Variants in MOB3B observed in about 807,000 individuals in gnomAD.
MOB3B encodes MOB kinase activator 3B, also known as MOB kinase activator-like 2B.
MOB3B carries 7 observed loss-of-function variants against 18.7 expected under a neutral mutation model. The ratio of observed to expected loss-of-function variants is 0.37; its 90% CI spans 0.21 to 0.70. The LOEUF (loss-of-function observed/expected upper bound fraction) is 0.70, where lower values mean the gene tolerates loss of function less well. MOB3B is among the 30% of genes least tolerant of loss of function. The pLI is 0.52. For synonymous variants in MOB3B, 111 were observed against 99.9 expected, an observed-to-expected ratio of 1.11 and a Z score of -0.66; for missense variants, 253 against 281.3, an observed-to-expected ratio of 0.90 and a Z score of 0.72.
intron 1 of MOB3B, among the ~76,000 whole-genome samples, chr9:27,466,580 T>C (rs906698118): frequency 1.3e-5 from 2 of 152,120 alleles, no homozygotes; most frequent in African/African-American, 4.8e-5. Context: ...GATAAAAACA[T>C]ACCCAAAACT....
rs190210674 is a variant in MOB3B at position 27,442,694 on chromosome 9, G to A, written c.418+12439C>T. On this transcript the variant is annotated intron_variant, in intron 2 of 3. Transcript: ENST00000262244. ...CTGACTTCCCTCATGCAAGCCTAAG[G>A]TGGCAGTGGCTTCCGGCTCTTGTTA... 3.3e-5 allele frequency among the ~76,000 whole-genome samples: 5 copies of A among 152,302 alleles called. No individual in the cohort carries two copies. In the East Asian group the frequency reaches 9.6e-4, roughly 29 times the overall value.
At chr9:27,470,299 T>C (rs1819452078) in intron 1 of MOB3B, among the ~76,000 whole-genome samples, 2 of 151,990 alleles carry the variant, frequency 1.3e-5, no homozygotes, top group Non-Finnish European at 2.9e-5. Flanking sequence ...TAAATAAAAA[T>C]TATTTATCTC....
In MOB3B at chr9:27,455,404, C is replaced by T. The variant is rs771295786; in HGVS notation, c.147G>A (p.Gln49=). 1 of 1,614,236 alleles carries T rather than the reference C, an allele frequency of 6.2e-7. No individual in the cohort carries two copies. The highest frequency in any genetic ancestry group is 8.5e-7 in the Non-Finnish European group (1 of 1,180,042). Reference sequence around the variant, plus strand: ...CATTCTGGTCCTCCCCACTGGGCAACTGCACAGCCGCCTTCAGGTCCACAC... The same window carrying T: ...CATTCTGGTCCTCCCCACTGGGCAATTGCACAGCCGCCTTCAGGTCCACAC... ...NSGVDLKAAV[Q]LPSGEDQNDW... The change falls in exon 2 of 4, where the codon CAG becomes CAA. Residue 49 remains glutamine (Q), a synonymous_variant. Transcript: ENST00000262244.
chr9:27,519,789 A>G (rs1022636342), intron 1 of MOB3B, among the ~76,000 whole-genome samples: 3 of 152,116 alleles, frequency 2.0e-5, no homozygotes, highest in Non-Finnish European at 4.4e-5. Context: ...GGTCATCATT[A>G]AGAGAAGAGC....
intron 2 of MOB3B, among the ~76,000 whole-genome samples, chr9:27,395,844 C>T (rs992791282): frequency 2.0e-5 from 3 of 152,180 alleles, no homozygotes; most frequent in Non-Finnish European, 4.4e-5. Context: ...GTGGCATCTA[C>T]ACAATGGAGA....
intron 1 of MOB3B, among the ~76,000 whole-genome samples, chr9:27,495,345 AATAG>A (rs1352784165): frequency 6.6e-6 from 1 of 151,996 alleles, no homozygotes; most frequent in Non-Finnish European, 1.5e-5. Context: ...TAAATAAATA[AATAG>A]ATAAATAAAT....
At chr9:27,513,101 T>C (rs1424928221) in intron 1 of MOB3B, among the ~76,000 whole-genome samples, 1 of 152,216 alleles carries the variant, frequency 6.6e-6, no homozygotes, top group African/African-American at 2.4e-5. Context: ...ATTTACTGAT[T>C]ACCAAAAAAC....
intron 2 of MOB3B, among the ~76,000 whole-genome samples, chr9:27,441,496 A>G (rs1822593689): frequency 6.6e-6 from 1 of 152,220 alleles, no homozygotes; most frequent in Non-Finnish European, 1.5e-5. Context: ...GTTAACTGAT[A>G]ACCCAGATAT....
chr9:27,362,335 T>C (rs1345930748), intron 2 of MOB3B, among the ~76,000 whole-genome samples: 2 of 152,196 alleles, frequency 1.3e-5, no homozygotes, highest in African/African-American at 4.8e-5. Flanking sequence ...ACTAGGTCTT[T>C]AGTTTAAAAT....
intron 1 of MOB3B, among the ~76,000 whole-genome samples, chr9:27,517,293 G>A (rs533150055): frequency 7.2e-5 from 11 of 152,272 alleles, no homozygotes; most frequent in African/African-American, 2.6e-4. Context: ...GTAGGCAACA[G>A]ATGATGATGA....
chr9:27,417,202 A>C (rs969225376), intron 2 of MOB3B, among the ~76,000 whole-genome samples: 12 of 152,138 alleles, frequency 7.9e-5, no homozygotes, highest in Non-Finnish European at 1.6e-4. Context: ...TCTCTACTAA[A>C]AAATACAAAA....
chr9:27,480,676 C>G (rs915681558), intron 1 of MOB3B, among the ~76,000 whole-genome samples: 2 of 152,036 alleles, frequency 1.3e-5, no homozygotes, highest in Non-Finnish European at 2.9e-5. Flanking sequence ...CTTGATCTGC[C>G]TGCCTGGGCC....
chr9:27,402,384 G>C (rs756678612), intron 2 of MOB3B, among the ~76,000 whole-genome samples: 1 of 152,166 alleles, frequency 6.6e-6, no homozygotes, highest in Non-Finnish European at 1.5e-5. Flanking sequence ...GCACTTCACA[G>C]ATAGAAGGTG....
intron 3 of MOB3B, among the ~76,000 whole-genome samples, chr9:27,357,144 A>ATATATATATATATATATATATATG (rs1486801059): frequency 6.2e-5 from 5 of 80,970 alleles, no homozygotes; most frequent in South Asian, 4.1e-4. Flanking sequence ...ATATATATAT[A>ATATATATATATATATATATATATG]TGTGTTTTTT....
intron 2 of MOB3B, among the ~76,000 whole-genome samples, chr9:27,423,183 T>C (rs1333547029): frequency 3.3e-5 from 5 of 152,210 alleles, no homozygotes; most frequent in Non-Finnish European, 7.3e-5. Context: ...TTTTACTACA[T>C]TGGGCTTCAG....
chr9:27,454,034 A>T (rs745800555), intron 2 of MOB3B, among the ~76,000 whole-genome samples: 5 of 152,166 alleles, frequency 3.3e-5, no homozygotes, highest in Admixed American at 6.5e-5. Flanking sequence ...GGAACTGGAC[A>T]AGCCAAAGCA....
chr9:27,491,591 G>GTGGT (rs1819820935), intron 1 of MOB3B, among the ~76,000 whole-genome samples: 1 of 152,098 alleles, frequency 6.6e-6, no homozygotes, highest in African/African-American at 2.4e-5. Context: ...ATCAATATAG[G>GTGGT]TGGTTGGGCA....
intron 2 of MOB3B, among the ~76,000 whole-genome samples, chr9:27,404,856 G>A (rs111605914): frequency 0.038 from 5,714 of 152,034 alleles, 355 homozygotes; most frequent in African/African-American, 0.13. Context: ...CTCCATAGTG[G>A]CTATATTAAT....
chr9:27,395,456 A>T lies in MOB3B; in HGVS notation c.419-36220T>A, dbSNP rs10967923. 9.6e-3 allele frequency among the ~76,000 whole-genome samples: 1,457 copies of T among 151,280 alleles called. 12 individuals are homozygous for T. Among genetic ancestry groups the T allele is most frequent in the East Asian group, 0.038 (196 of 5,172 alleles). ...AATTAAATAATAAATAGATTTTTTAAAAAAAAAAAGACTGTTGATAGGTTG... is the reference window on the plus strand; with the variant it reads ...AATTAAATAATAAATAGATTTTTTATAAAAAAAAAGACTGTTGATAGGTTG... On this transcript the variant is annotated intron_variant, in intron 2 of 3. Coordinates refer to ENST00000262244, the MANE Select transcript of MOB3B (RefSeq NM_024761.5).
Sources: allele counts gnomAD v4.1 joint callset (sites outside exome capture counted in the v4.1 genomes callset), GRCh38; gene constraint gnomAD v4.1.1; transcripts MANE v1.5; gene names NCBI Gene and HGNC (gene_info 2026-07-23, HGNC 2026-07-21).